The following ST8SIA4 variants were observed in gnomAD, a reference collection of about 807,000 sequenced individuals.
The protein encoded by ST8SIA4 is ST8 alpha-N-acetyl-neuraminide alpha-2,8-sialyltransferase 4.
Under a neutral mutation model 33.9 loss-of-function variants are expected in ST8SIA4, and 15 were observed. That is an observed-to-expected ratio of 0.44 (90% CI 0.30 to 0.68). The LOEUF is 0.68. Ranked by LOEUF, ST8SIA4 falls within the 30% of genes least tolerant of loss-of-function variation. The pLI, the probability that ST8SIA4 is intolerant of heterozygous loss-of-function variation, is 0.10. For missense variants in ST8SIA4, 321 were observed against 428.0 expected, an observed-to-expected ratio of 0.75 and a Z score of 2.21; for synonymous variants, 171 against 151.2, an observed-to-expected ratio of 1.13 and a Z score of -0.96.
At chr5:100,846,027 T>C (rs1350557848) in intron 4 of ST8SIA4, among the ~76,000 whole-genome samples, 2 of 152,002 alleles carry the variant, frequency 1.3e-5, no homozygotes, top group Non-Finnish European at 2.9e-5. Context: ...CAGGTAAAAT[T>C]TAGTAAGCAT....
chr5:100,863,114 G>C (rs151025660), intron 3 of ST8SIA4, among the ~76,000 whole-genome samples: 1 of 152,188 alleles, frequency 6.6e-6, no homozygotes, highest in Non-Finnish European at 1.5e-5. Flanking sequence ...CAAAGGTAGG[G>C]TCTTGGGTGG....
chr5:100,825,593 C>A (rs942363888), intron 4 of ST8SIA4, among the ~76,000 whole-genome samples: 4 of 152,186 alleles, frequency 2.6e-5, no homozygotes, highest in Non-Finnish European at 2.9e-5. Flanking sequence ...TTTGATTGCT[C>A]TTTCCACTGC....
At chr5:100,857,286 T>C (rs1441022032) in intron 3 of ST8SIA4, among the ~76,000 whole-genome samples, 1 of 151,944 alleles carries the variant, frequency 6.6e-6, no homozygotes, top group Admixed American at 6.6e-5. Flanking sequence ...AAGAAAGCTT[T>C]GAAAAGCACC....
At chr5:100,900,597 C>A in intron 1 of ST8SIA4, 1 of 434,012 alleles carries the variant, frequency 2.3e-6, no homozygotes. Flanking sequence ...CAACTCCTTG[C>A]ACAGTCTTGG....
chr5:100,895,924 A>T, intron 1 of ST8SIA4, 139 bp from the exon 2 acceptor site: 2 of 795,616 alleles, frequency 2.5e-6, no homozygotes, highest in Non-Finnish European at 3.8e-6. Flanking sequence ...ATACGCAAGC[A>T]TGATGAAAGG....
chr5:100,901,715 A>G (rs1252150985), intron 1 of ST8SIA4, among the ~76,000 whole-genome samples: 1 of 152,172 alleles, frequency 6.6e-6, no homozygotes, highest in East Asian at 1.9e-4. Context: ...TTTCTACAGA[A>G]TAGCAAGTCC....
At position 100,812,138 on chromosome 5, in the gene ST8SIA4, A is replaced by G. The variant is rs750954788; in HGVS notation, c.798-9T>C. The G allele has an allele frequency of 1.9e-6, 3 of 1,600,436 alleles. No homozygotes were observed. In the African/African-American group the frequency reaches 4.1e-5, roughly 22 times the overall value. The stretch of plus-strand genomic sequence containing the variant: ...TGTTGGTCAGCCAGTAACTGGAAAA[A>G]CAAAAAACAAAATCAAGAAGAGAAG... On this transcript the variant is annotated splice_polypyrimidine_tract_variant and intron_variant, in intron 4 of 4. Coordinates refer to ENST00000231461, the MANE Select transcript of ST8SIA4 (RefSeq NM_005668.6).
chr5:100,881,177 A>G (rs1316684036), intron 3 of ST8SIA4, among the ~76,000 whole-genome samples: 2 of 152,242 alleles, frequency 1.3e-5, no homozygotes, highest in Non-Finnish European at 2.9e-5. Context: ...GTGATGTTCC[A>G]AAGTCAAAAA....
intron 2 of ST8SIA4, among the ~76,000 whole-genome samples, chr5:100,888,216 T>C (rs891317325): frequency 1.6e-3 from 235 of 143,426 alleles, no homozygotes; most frequent in African/African-American, 5.8e-3. Context: ...AAAAAAAACA[T>C]ATATATATAT....
chr5:100,898,568 C>T (rs978819103), intron 1 of ST8SIA4, among the ~76,000 whole-genome samples: 28 of 152,292 alleles, frequency 1.8e-4, no homozygotes, highest in Admixed American at 1.6e-3. Context: ...AAAATATCTA[C>T]AACTAGTCAC....
rs537182550 is a variant in ST8SIA4 at position 100,820,802 on chromosome 5, A to C, written c.798-8673T>G. Among the ~76,000 whole-genome samples the C allele has an allele frequency of 5.3e-5, 8 of 152,298 alleles. No individual in the cohort carries two copies. In the South Asian group the frequency reaches 1.2e-3, roughly 24 times the overall value. On this transcript the variant is annotated intron_variant, in intron 4 of 4. Transcript: ENST00000231461. ...AGAATTTTAAAAATAAGCATCATAT[A>C]ATAGATGGATTATAACTGCATTTAG... is the stretch of plus-strand genomic sequence containing the variant.
chr5:100,868,265 A>G (rs555855902), intron 3 of ST8SIA4, among the ~76,000 whole-genome samples: 1 of 152,104 alleles, frequency 6.6e-6, no homozygotes, highest in East Asian at 1.9e-4. Flanking sequence ...ATAAAAAAGG[A>G]TAGAGCGGAT....
At chr5:100,894,634 T>C (rs1349753770) in intron 2 of ST8SIA4, among the ~76,000 whole-genome samples, 3 of 152,098 alleles carry the variant, frequency 2.0e-5, no homozygotes, top group Admixed American at 2.0e-4. Flanking sequence ...GCTGTAATTA[T>C]CTTTGCTCCA....
chr5:100,886,371 C>G lies in ST8SIA4; in HGVS notation c.475G>C (p.Glu159Gln). 3 of 1,613,804 alleles carry G rather than the reference C, an allele frequency of 1.9e-6. No individual in the cohort carries two copies. The highest frequency in any genetic ancestry group is 2.5e-6 in the Non-Finnish European group (3 of 1,179,742). ...GILLDSECGK[E>Q]IDSHNFVIRC... ...ATTACAAAATTGTGACTGTCAATCT[C>G]CTTTCCACATTCACTGTCTAACAGA... is the stretch of plus-strand genomic sequence containing the variant. The change falls in exon 3 of 5, where the codon GAG (glutamate) becomes CAG (glutamine). Residue 159 changes from glutamate to glutamine, a missense_variant. Coordinates refer to ENST00000231461, the MANE Select transcript of ST8SIA4 (RefSeq NM_005668.6).
At chr5:100,830,612 T>C (rs1394431299) in intron 4 of ST8SIA4, among the ~76,000 whole-genome samples, 1 of 152,226 alleles carries the variant, frequency 6.6e-6, no homozygotes, top group Non-Finnish European at 1.5e-5. Flanking sequence ...TTATTTTATG[T>C]GTTATAATAT....
At chr5:100,853,499 T>A (rs570582066) in intron 4 of ST8SIA4, among the ~76,000 whole-genome samples, 2 of 152,286 alleles carry the variant, frequency 1.3e-5, no homozygotes, top group East Asian at 3.9e-4. Context: ...TCAAAATCAG[T>A]TTAGAAAATA....
rs573196632 is a variant in ST8SIA4, at chr5:100,822,788, G to A, written c.798-10659C>T. ...GCATTCTAAGTCACAGGATGAGACA[G>A]AATGTCAACACAAGACACAGATCAT... On this transcript the variant is annotated intron_variant, in intron 4 of 4. Transcript: ENST00000231461. Among the ~76,000 whole-genome samples, 3 of 152,222 alleles carry A rather than the reference G, an allele frequency of 2.0e-5. No individual in the cohort carries two copies. In the South Asian group the frequency reaches 6.2e-4, roughly 32 times the overall value.
At chr5:100,839,908 C>G (rs1183447891) in intron 4 of ST8SIA4, among the ~76,000 whole-genome samples, 1 of 151,522 alleles carries the variant, frequency 6.6e-6, no homozygotes, top group Non-Finnish European at 1.5e-5. Flanking sequence ...GCAACAGTTT[C>G]CTTTATAAAA....
At chr5:100,886,064 A>G (rs1400241688) in intron 3 of ST8SIA4, 2 of 1,148,868 alleles carry the variant, frequency 1.7e-6, no homozygotes, top group Non-Finnish European at 2.1e-6. Context: ...GTGGAATATT[A>G]AATTTAATAA....
Sources: allele counts gnomAD v4.1 joint callset (sites outside exome capture counted in the v4.1 genomes callset), GRCh38; gene constraint gnomAD v4.1.1; transcripts MANE v1.5; gene names NCBI Gene and HGNC (gene_info 2026-07-23, HGNC 2026-07-21).